Variants in HERC2 observed in about 807,000 individuals in gnomAD.
HERC2 encodes the protein E3 ubiquitin-protein ligase HERC2.
HERC2 carries 102 observed loss-of-function variants against 537.7 expected under a neutral mutation model. That is an observed-to-expected ratio of 0.19 (90% CI 0.16 to 0.22). HERC2 has a LOEUF of 0.22. Among genes scored for constraint, HERC2 ranks in the 10% least tolerant of loss-of-function variants. The pLI is 1.00. For synonymous variants in HERC2, 2,224 were observed against 2,466.2 expected (o/e 0.90, Z 2.91); for missense variants, 4,236 against 6,198.2 (o/e 0.68, Z 10.63).
At chr15:28,305,373 G>A (rs575183648) in intron 2 of HERC2, among the ~76,000 whole-genome samples, 61 of 151,140 alleles carry the variant, frequency 4.0e-4, no homozygotes, top group South Asian at 3.6e-3. Flanking sequence ...AAATAACGCC[G>A]CATACCTACA....
chr15:28,177,808 T>G lies in HERC2; in HGVS notation c.9164-299A>C, dbSNP rs181847799. On this transcript the variant is annotated intron_variant, in intron 59 of 92. Transcript: ENST00000261609. The surrounding 1 kb of genome is among the most constrained non-coding windows in gnomAD (Gnocchi z 5.0). ...ATGTTAAATACACGAAAAATCAAAA[T>G]TTAGATGAAAAAAGTAAAAATAATT... Among the ~76,000 whole-genome samples, 7 of 152,262 alleles carry G rather than the reference T, an allele frequency of 4.6e-5. No individual in the cohort carries two copies. In the East Asian group the frequency reaches 1.3e-3, roughly 29 times the overall value.
Position 28,273,001 on chromosome 15 carries a change from A to T in HERC2, c.804T>A (p.Asp268Glu). The T allele has an allele frequency of 6.2e-7, 1 of 1,611,926 alleles. No individual in the cohort carries two copies. The highest frequency in any genetic ancestry group is 8.5e-7 in the Non-Finnish European group (1 of 1,179,540). Residue 268 changes from aspartate to glutamate, a missense_variant, in exon 8 of 93, where the codon GAT becomes GAA. Asp to Glu is a conservative substitution (Grantham distance 45). Around this residue, in one of 27 missense-constraint regions of HERC2, gnomAD observed 491 missense variants for 559.3 expected, o/e 0.88. Coordinates refer to ENST00000261609, the MANE Select transcript of HERC2 (RefSeq NM_004667.6). ...CTTTGGTGGCTGGCGTTCCGTGAAC[A>T]TCCCTGAAATGAAAGCAGTGGATGC... ...TRFLRSVVTG[D>E]VHGTPATKGP...
chr15:28,320,067 ACT>A (rs1220415346), intron 2 of HERC2: 1 of 151,956 alleles, frequency 6.6e-6, no homozygotes, highest in East Asian at 1.9e-4. Flanking sequence ...AATTCTCTGT[ACT>A]CTGTCTTATG....
At chr15:28,267,312 A>C in intron 12 of HERC2, among the ~76,000 whole-genome samples, 2 of 152,192 alleles carry the variant, frequency 1.3e-5, no homozygotes, top group East Asian at 3.9e-4. Flanking sequence ...ATCTGCACTC[A>C]TCTCTCTTCC....
chr15:28,214,347 C>T, intron 40 of HERC2, 75 bp from the exon 41 acceptor site: 1 of 1,287,826 alleles, frequency 7.8e-7, no homozygotes, highest in Non-Finnish European at 1.1e-6. Flanking sequence ...GGCTACCCAC[C>T]TCTAAGTGAC....
In HERC2 at chr15:28,246,776, C is replaced by T. The variant is rs140345440; in HGVS notation, c.3357G>A (p.Ala1119=). 3.1e-4 allele frequency: 498 copies of T among 1,605,454 alleles called. No homozygotes were observed. The highest frequency in any genetic ancestry group is 3.1e-3 in the African/African-American group (231 of 74,514). The change falls in exon 22 of 93, where the codon GCG becomes GCA. Residue 1119 remains alanine, a synonymous_variant. Coordinates refer to ENST00000261609, the MANE Select transcript of HERC2 (RefSeq NM_004667.6). ...SIASTSWRHF[A]EVAYIVEGDF... ...CCCCTTCCACAATGTAAGCCACCTC[C>T]GCGAAGTGCCGCCAGCTGGTAGAAG...
At chr15:28,159,025 G>T (rs112906191) in intron 69 of HERC2, among the ~76,000 whole-genome samples, 1 of 152,138 alleles carries the variant, frequency 6.6e-6, no homozygotes, top group Non-Finnish European at 1.5e-5. Context: ...TGAAATTCTG[G>T]GTTGAAAATT....
chr15:28,299,555 C>A, intron 2 of HERC2, 39 bp from the exon 3 acceptor site: 2 of 1,052,268 alleles, frequency 1.9e-6, no homozygotes, highest in Non-Finnish European at 2.9e-6. Flanking sequence ...AGAGTGCTCA[C>A]ACTCACATTG....
chr15:28,232,059 G>T (rs141819591), intron 30 of HERC2, among the ~76,000 whole-genome samples: 4 of 152,114 alleles, frequency 2.6e-5, no homozygotes, highest in South Asian at 4.2e-4. Flanking sequence ...TGTGACTTCC[G>T]GATCCAGAGC....
Position 28,274,339 on chromosome 15 carries a change from A to T in HERC2, c.752T>A (p.Leu251Gln). ...FDESTVSSVW[L>Q]EVVERATRFL... ...CCTGGTCGCTCTCTCCACCACCTCC[A>T]GCCACACAGAGGACACGGTGCTCTC... Residue 251 changes from leucine to glutamine, a missense_variant, in exon 7 of 93, where the codon CTG becomes CAG. Physicochemically the swap from Leu to Gln is moderately radical, Grantham distance 113. This residue lies in a region of HERC2 where 491 missense variants were observed against 559.3 expected (regional missense o/e 0.88). Coordinates refer to ENST00000261609, the MANE Select transcript of HERC2 (RefSeq NM_004667.6). The T allele has an allele frequency of 1.2e-6, 2 of 1,614,228 alleles. No homozygotes were observed. The highest frequency in any genetic ancestry group is 1.7e-6 in the Non-Finnish European group (2 of 1,180,032).
At chr15:28,120,235 G>A (rs149950976) in intron 86 of HERC2, among the ~76,000 whole-genome samples, 4 of 152,324 alleles carry the variant, frequency 2.6e-5, no homozygotes, top group Admixed American at 2.0e-4. Context: ...ACACTCTGAC[G>A]TCAGTGAAGA....
intron 68 of HERC2, among the ~76,000 whole-genome samples, chr15:28,165,201 G>A (rs953077679): frequency 2.6e-5 from 4 of 152,178 alleles, no homozygotes; most frequent in African/African-American, 4.8e-5. Context: ...CAGAGGTCAC[G>A]TAGGGTGACC....
rs147681848 is a variant in HERC2, at chr15:28,167,711, T to G, written c.10530A>C (p.Ala3510=). The G allele has an allele frequency of 3.7e-6, 6 of 1,614,086 alleles. No individual in the cohort carries two copies. The African/African-American group carries it at 6.7e-5, about 18-fold the overall frequency. Residue 3510 remains alanine (A), a synonymous_variant, in exon 68 of 93, where the codon GCA becomes GCC. Coordinates refer to ENST00000261609, the MANE Select transcript of HERC2 (RefSeq NM_004667.6). The part of the protein sequence containing the change: ...TDDLGAASII[A]ETMTKTKEDV... The stretch of plus-strand genomic sequence containing the variant: ...CCTCTTTGGTTTTGGTCATGGTTTC[T>G]GCAATGATGCTTGCGGCTCCCAGGT...
At chr15:28,159,057 T>C (rs1388507216) in intron 69 of HERC2, among the ~76,000 whole-genome samples, 1 of 152,222 alleles carries the variant, frequency 6.6e-6, no homozygotes, top group Non-Finnish European at 1.5e-5. Context: ...GAATGTTGAA[T>C]ATTGGCCCCC....
At chr15:28,142,683 C>G (rs1891344657) in intron 75 of HERC2, 144 bp downstream of exon 75, 1 of 762,090 alleles carries the variant, frequency 1.3e-6, no homozygotes, top group Admixed American at 2.9e-5. Flanking sequence ...ACGATCATTT[C>G]TTGAGATTTT....
intron 69 of HERC2, among the ~76,000 whole-genome samples, chr15:28,158,595 C>G (rs1202470006): frequency 6.6e-6 from 1 of 152,096 alleles, no homozygotes; most frequent in East Asian, 1.9e-4. Context: ...CTTGGTAGAT[C>G]TTTCTCCATC....
At position 28,220,350 on chromosome 15, in the gene HERC2, C is replaced by T. The variant is rs894805983; in HGVS notation, c.5845+102G>A. Reference sequence around the variant, plus strand: ...GAGGACAGAGCGCCAGCTGCAGGTGCGTCCTGACATCCCATTCTAAGGCCC... The same window carrying T: ...GAGGACAGAGCGCCAGCTGCAGGTGTGTCCTGACATCCCATTCTAAGGCCC... On this transcript the variant is annotated intron_variant, in intron 37 of 92. Transcript: ENST00000261609. 3.6e-5 allele frequency: 37 copies of T among 1,023,564 alleles called. 1 individual carries two copies. The highest frequency in any genetic ancestry group is 2.2e-4 in the South Asian group (17 of 76,092). The allele number at this position is 1,023,564 out of a possible 1,614,324, so 63.4% of individuals were successfully genotyped here. A position where few individuals can be genotyped will look rare whatever the true frequency, so the allele number is the denominator to read the frequency against.
In HERC2 at chr15:28,272,987, G is replaced by A; in HGVS notation, c.818C>T (p.Pro273Leu). ...GATGCTTCCTGGCCCTTTGGTGGCT[G>A]GCGTTCCGTGAACATCCCTGAAATG... ...SVVTGDVHGT[P>L]ATKGPGSIPL... The change falls in exon 8 of 93, where the codon CCA becomes CTA. Residue 273 changes from proline to leucine, a missense_variant. By Grantham distance (98) the Pro-to-Leu change is moderately conservative. Transcript: ENST00000261609. The A allele has an allele frequency of 1.9e-6, 3 of 1,612,368 alleles. No individual in the cohort carries two copies. The highest frequency in any genetic ancestry group is 1.3e-5 in the African/African-American group (1 of 75,012).
chr15:28,153,917 G>C (rs1290333702), intron 69 of HERC2, among the ~76,000 whole-genome samples: 1 of 152,168 alleles, frequency 6.6e-6, no homozygotes, highest in Admixed American at 6.5e-5. Flanking sequence ...GCTCAGGCCA[G>C]ACAGAGACAG....
Sources: allele counts gnomAD v4.1 joint callset (sites outside exome capture counted in the v4.1 genomes callset), GRCh38; gene constraint gnomAD v4.1.1; regional missense constraint gnomAD v4.1.1; non-coding constraint Gnocchi (gnomAD v3.1); transcripts MANE v1.5; gene names NCBI Gene and HGNC (gene_info 2026-07-23, HGNC 2026-07-21).